ZC3H7B: variants seen among roughly 807,000 people sequenced by gnomAD.
ZC3H7B encodes zinc finger CCCH domain-containing protein 7B.
In ZC3H7B, 35 loss-of-function variants were observed where a neutral mutation model predicts 116.0. That is an observed-to-expected ratio of 0.30 (90% CI 0.23 to 0.40). ZC3H7B has a LOEUF of 0.40. ZC3H7B is among the 10% of genes least tolerant of loss of function. The probability of loss-of-function intolerance (pLI) is 1.00; values close to 1 mark genes in which losing one functional copy is unlikely to be tolerated. For synonymous variants in ZC3H7B, 502 were observed against 545.6 expected (o/e 0.92, Z 1.11); for missense variants, 1,011 against 1,321.5 (o/e 0.77, Z 3.64).
At chr22:41,313,141 C>T (rs931733413) in intron 1 of ZC3H7B, among the ~76,000 whole-genome samples, 5 of 150,656 alleles carry the variant, frequency 3.3e-5, no homozygotes, top group African/African-American at 1.2e-4. Flanking sequence ...TTTTTTGAGA[C>T]GGAGTCTCGC....
intron 11 of ZC3H7B, among the ~76,000 whole-genome samples, 171 bp downstream of exon 11, chr22:41,341,317 CATATG>C: frequency 6.6e-6 from 1 of 152,304 alleles, no homozygotes; most frequent in South Asian, 2.1e-4. Flanking sequence ...CTCACCAAGC[CATATG>C]CTGGGCGGGC....
chr22:41,342,921 C>G lies in ZC3H7B; in HGVS notation c.1297+293C>G, dbSNP rs532452809. 5.3e-5 allele frequency among the ~76,000 whole-genome samples: 8 copies of G among 152,264 alleles called. No individual in the cohort carries two copies. In the South Asian group the frequency reaches 1.7e-3, roughly 32 times the overall value. ...GATGCGGTGGCTCACACCTGTAATC[C>G]CAGCATTTTGTGAGGCTGAGGCAGG... On this transcript the variant is annotated intron_variant, in intron 12 of 22. Transcript: ENST00000352645.
chr22:41,303,956 A>C (rs1209882549), intron 1 of ZC3H7B, among the ~76,000 whole-genome samples: 1 of 152,134 alleles, frequency 6.6e-6, no homozygotes, highest in Admixed American at 6.6e-5. Flanking sequence ...ACGGGGTTTC[A>C]CCGTGTTAGC....
At chr22:41,321,806 C>T (rs947758761) in intron 2 of ZC3H7B, among the ~76,000 whole-genome samples, 7 of 149,110 alleles carry the variant, frequency 4.7e-5, no homozygotes, top group African/African-American at 1.8e-4. Context: ...GCCTGGTTGA[C>T]CACAAAACTC....
intron 1 of ZC3H7B, among the ~76,000 whole-genome samples, chr22:41,312,955 A>G (rs1396221973): frequency 6.6e-6 from 1 of 152,110 alleles, no homozygotes; most frequent in Non-Finnish European, 1.5e-5. Flanking sequence ...ATTTTCATAG[A>G]TTAAATTCTT....
At position 41,338,955 on chromosome 22, in the gene ZC3H7B, T is replaced by A. The variant is rs775742429; in HGVS notation, c.626-46T>A. 23 of 1,487,642 alleles carry A rather than the reference T, an allele frequency of 1.5e-5. No individual in the cohort carries two copies. The highest frequency in any genetic ancestry group is 2.1e-5 in the Non-Finnish European group (23 of 1,117,052). 92.2% of individuals were successfully genotyped at this position (1,487,642 alleles called of 1,614,324 possible). On this transcript the variant is annotated intron_variant, in intron 8 of 22. Transcript: ENST00000352645. The surrounding 1 kb of genome is among the most constrained non-coding windows in gnomAD (Gnocchi z 4.5). Reference sequence around the variant, plus strand: ...GGGGCCCGGGACGCCTCCTCCACCCTCACCAAGCAGTGCTCCCCTTCGGCT... The same window carrying A: ...GGGGCCCGGGACGCCTCCTCCACCCACACCAAGCAGTGCTCCCCTTCGGCT...
At position 41,337,389 on chromosome 22, in the gene ZC3H7B, A is replaced by G. The variant is rs149292989; in HGVS notation, c.583-924A>G. Among the ~76,000 whole-genome samples, 248 of 151,786 alleles carry G rather than the reference A, an allele frequency of 1.6e-3. 6 individuals are homozygous for G. In the East Asian group the frequency reaches 0.045, roughly 28 times the overall value. ...CTGTGTGCCAGGCCCCGTTCTAAGC[A>G]CTTCACACATAGCAAGTCATTTCAT... is the stretch of plus-strand genomic sequence containing the variant. On this transcript the variant is annotated intron_variant, in intron 7 of 22. Coordinates refer to ENST00000352645, the MANE Select transcript of ZC3H7B (RefSeq NM_017590.6).
At chr22:41,303,018 ATAAT>A (rs2035992869) in intron 1 of ZC3H7B, among the ~76,000 whole-genome samples, 1 of 152,222 alleles carries the variant, frequency 6.6e-6, no homozygotes, top group Admixed American at 6.5e-5. Flanking sequence ...CACAAATGAG[ATAAT>A]TATAGTACAT....
intron 5 of ZC3H7B, among the ~76,000 whole-genome samples, chr22:41,329,534 C>CG (rs2036356306): frequency 6.6e-6 from 1 of 152,098 alleles, no homozygotes; most frequent in African/African-American, 2.4e-5. Flanking sequence ...GCTGGGATTA[C>CG]AGGCATGAGC....
intron 1 of ZC3H7B, among the ~76,000 whole-genome samples, chr22:41,318,950 C>G (rs2036218040): frequency 4.6e-5 from 7 of 152,154 alleles, no homozygotes; most frequent in Admixed American, 4.6e-4. Context: ...GGCTCCCTCA[C>G]ATCATACACG....
chr22:41,309,324 C>A (rs1276423261), intron 1 of ZC3H7B, among the ~76,000 whole-genome samples: 1 of 126,222 alleles, frequency 7.9e-6, no homozygotes, highest in Non-Finnish European at 1.7e-5. Flanking sequence ...TTCTTTTTTT[C>A]TTTTTTTGAG....
intron 6 of ZC3H7B, 108 bp downstream of exon 6, chr22:41,330,211 G>A: frequency 1.8e-6 from 2 of 1,096,942 alleles, no homozygotes; most frequent in Non-Finnish European, 2.6e-6. Flanking sequence ...GGCTGGGTTA[G>A]GACAGAGGGG....
At position 41,332,153 on chromosome 22, in the gene ZC3H7B, C is replaced by T. The variant is rs369737656; in HGVS notation, c.526-18C>T. On this transcript the variant is annotated intron_variant, in intron 6 of 22. Coordinates refer to ENST00000352645, the MANE Select transcript of ZC3H7B (RefSeq NM_017590.6). The stretch of plus-strand genomic sequence containing the variant: ...TCAGAATCTTTACCTCTGCCCACCT[C>T]TCTCCAATCTCTGGCAGGAATTGGA... The T allele has an allele frequency of 1.2e-6, 2 of 1,613,926 alleles. No homozygotes were observed. Among genetic ancestry groups the T allele is most frequent in the African/African-American group, 2.7e-5 (2 of 74,932 alleles).
chr22:41,338,988 A>G lies in ZC3H7B; in HGVS notation c.626-13A>G. The G allele has an allele frequency of 6.5e-7, 1 of 1,533,266 alleles. No homozygotes were observed. 95.0% of individuals were successfully genotyped at this position (1,533,266 alleles called of 1,614,324 possible). On this transcript the variant is annotated splice_polypyrimidine_tract_variant and intron_variant, in intron 8 of 22. Coordinates refer to ENST00000352645, the MANE Select transcript of ZC3H7B (RefSeq NM_017590.6). The surrounding 1 kb of genome is among the most constrained non-coding windows in gnomAD (Gnocchi z 4.5). ...CAGTGCTCCCCTTCGGCTCTTGCCCACCCCATCCGCAGACTGCTACGTGGA... is the reference window on the plus strand; with the variant it reads ...CAGTGCTCCCCTTCGGCTCTTGCCCGCCCCATCCGCAGACTGCTACGTGGA...
intron 1 of ZC3H7B, among the ~76,000 whole-genome samples, chr22:41,309,693 G>A (rs556260330): frequency 1.1e-4 from 17 of 152,160 alleles, no homozygotes; most frequent in African/African-American, 2.7e-4. Context: ...TTTACTTGTC[G>A]TGTGCATTTC....
At position 41,349,470 on chromosome 22, in the gene ZC3H7B, G is replaced by A. The variant is rs1435754465; in HGVS notation, c.1948+169G>A. ...TGGCTGCGGGGTGGGCTCTCTGTGT[G>A]TCCCAGGCACCACAGAGGAGAGAAG... On this transcript the variant is annotated intron_variant, in intron 16 of 22. Coordinates refer to ENST00000352645, the MANE Select transcript of ZC3H7B (RefSeq NM_017590.6). The surrounding 1 kb of genome is among the most constrained non-coding windows in gnomAD (Gnocchi z 4.9). 1.3e-5 allele frequency among the ~76,000 whole-genome samples: 2 copies of A among 152,116 alleles called. No individual in the cohort carries two copies. Among genetic ancestry groups the A allele is most frequent in the Non-Finnish European group, 2.9e-5 (2 of 67,986 alleles).
chr22:41,337,087 G>GA (rs2036457386), intron 7 of ZC3H7B, among the ~76,000 whole-genome samples: 1 of 152,104 alleles, frequency 6.6e-6, no homozygotes, highest in African/African-American at 2.4e-5. Context: ...GGTAAGCCAA[G>GA]ATCGCACCAT....
intron 17 of ZC3H7B, 50 bp from the exon 18 acceptor site, chr22:41,355,419 C>G (rs774300721): frequency 1.2e-6 from 2 of 1,606,748 alleles, no homozygotes. Context: ...TCCAGGGCCT[C>G]AGGCCTGGTG....
chr22:41,353,405 C>T (rs2036677893), intron 17 of ZC3H7B, among the ~76,000 whole-genome samples: 1 of 152,224 alleles, frequency 6.6e-6, no homozygotes, highest in Admixed American at 6.5e-5. Context: ...AACCCTGGCC[C>T]TCGTATCTCC....
Sources: gnomAD v4.1 joint callset for allele counts (sites outside exome capture counted in the v4.1 genomes callset) on GRCh38, gnomAD v4.1.1 for gene constraint, Gnocchi (gnomAD v3.1) non-coding constraint, MANE v1.5 for transcripts, NCBI Gene and HGNC (gene_info 2026-07-23, HGNC 2026-07-21) for gene names.